SPATA17: variants seen among roughly 807,000 people sequenced by gnomAD.
SPATA17 encodes the protein spermatogenesis-associated protein 17.
Under a neutral mutation model 62.2 loss-of-function variants are expected in SPATA17, and 53 were observed. The ratio of observed to expected loss-of-function variants is 0.85; its 90% CI spans 0.68 to 1.07. SPATA17 has a LOEUF of 1.07. Among genes scored for constraint, SPATA17 ranks in the 50% least tolerant of loss-of-function variants. SPATA17 has a pLI of 0.00. For synonymous variants in SPATA17, 146 were observed against 146.8 expected (o/e 0.99, Z 0.04); for missense variants, 466 against 425.5 (o/e 1.10, Z -0.84).
chr1:217,673,590 C>T (rs1002376470), intron 4 of SPATA17, among the ~76,000 whole-genome samples: 5 of 152,082 alleles, frequency 3.3e-5, no homozygotes, highest in Admixed American at 1.3e-4. Flanking sequence ...CTTATGCAAA[C>T]GCCATGAGCT....
chr1:217,744,930 G>A (rs1672712881), intron 6 of SPATA17, among the ~76,000 whole-genome samples: 2 of 152,156 alleles, frequency 1.3e-5, no homozygotes, highest in Non-Finnish European at 2.9e-5. Flanking sequence ...CCCTTCGAGG[G>A]CATTCAGTAA....
intron 4 of SPATA17, among the ~76,000 whole-genome samples, chr1:217,675,444 C>T (rs17724806): frequency 0.05 from 7,680 of 152,212 alleles, 259 homozygotes; most frequent in Middle Eastern, 0.12. Flanking sequence ...ATACTTTTGA[C>T]ACCAATTTCT....
intron 9 of SPATA17, among the ~76,000 whole-genome samples, chr1:217,822,848 G>A (rs1409265192): frequency 1.3e-5 from 2 of 151,184 alleles, no homozygotes; most frequent in African/African-American, 4.8e-5. Context: ...CTGCTCAACT[G>A]ATAGTTGCTT....
At chr1:217,640,141 A>C (rs955317508) in intron 1 of SPATA17, among the ~76,000 whole-genome samples, 1 of 151,472 alleles carries the variant, frequency 6.6e-6, no homozygotes, top group Non-Finnish European at 1.5e-5. Context: ...AGTTGTGTTT[A>C]TGTGCATGTA....
chr1:217,849,693 C>G (rs376805387), intron 9 of SPATA17, among the ~76,000 whole-genome samples: 1 of 152,070 alleles, frequency 6.6e-6, no homozygotes, highest in Non-Finnish European at 1.5e-5. Context: ...GCCTGCTGTT[C>G]ACCCATCCAC....
rs1676063576 is a variant in SPATA17, at chr1:217,868,526, A to T, written c.*1507A>T. The T allele has an allele frequency of 6.6e-6, 1 of 152,116 alleles. No homozygotes were observed. The allele number at this position is 152,116 out of a possible 1,614,324, so 9.4% of individuals were successfully genotyped here. On this transcript the variant is annotated 3_prime_UTR_variant, in exon 11 of 11. Transcript: ENST00000366933. ...TAGTTGGGCAAAATCATCTAACACA[A>T]AGCCTATTTTATAATATTGAACAGC...
chr1:217,822,749 G>A (rs955556537), intron 9 of SPATA17, among the ~76,000 whole-genome samples: 2 of 148,676 alleles, frequency 1.3e-5, no homozygotes, highest in African/African-American at 4.9e-5. Flanking sequence ...TCAGTTGTTT[G>A]TACTATGTTT....
intron 9 of SPATA17, among the ~76,000 whole-genome samples, chr1:217,816,851 A>G (rs892099651): frequency 6.6e-6 from 1 of 151,886 alleles, no homozygotes; most frequent in African/African-American, 2.4e-5. Flanking sequence ...CCTGGCATAA[A>G]CTCTCTCTAG....
intron 9 of SPATA17, among the ~76,000 whole-genome samples, chr1:217,862,484 C>G (rs1025179552): frequency 2.0e-5 from 3 of 152,072 alleles, no homozygotes; most frequent in African/African-American, 4.8e-5. Context: ...ATTTAGATTG[C>G]GACTCATTGA....
chr1:217,812,170 A>C (rs1381833766), intron 9 of SPATA17, among the ~76,000 whole-genome samples: 1 of 152,198 alleles, frequency 6.6e-6, no homozygotes, highest in Non-Finnish European at 1.5e-5. Context: ...TATTATTTTT[A>C]AACATAGAAG....
chr1:217,828,493 A>G (rs1200978654), intron 9 of SPATA17, among the ~76,000 whole-genome samples: 1 of 146,936 alleles, frequency 6.8e-6, no homozygotes, highest in African/African-American at 2.4e-5. Context: ...ATATAGGTAG[A>G]ACTTCTTTGA....
chr1:217,804,417 G>T (rs1458133585), intron 9 of SPATA17, among the ~76,000 whole-genome samples: 1 of 152,110 alleles, frequency 6.6e-6, no homozygotes, highest in African/African-American at 2.4e-5. Context: ...ACTAGATTAA[G>T]ACCTGAAACT....
At chr1:217,685,639 G>T (rs1156533083) in intron 5 of SPATA17, among the ~76,000 whole-genome samples, 1 of 152,012 alleles carries the variant, frequency 6.6e-6, no homozygotes, top group Non-Finnish European at 1.5e-5. Flanking sequence ...TCTATTAATA[G>T]ATGTACTAAT....
At chr1:217,791,814 T>A (rs950161765) in intron 8 of SPATA17, among the ~76,000 whole-genome samples, 1 of 152,172 alleles carries the variant, frequency 6.6e-6, no homozygotes, top group Non-Finnish European at 1.5e-5. Context: ...GCTATGGAGA[T>A]GTTTTAGAAA....
At chr1:217,699,556 T>C (rs781246983) in intron 5 of SPATA17, among the ~76,000 whole-genome samples, 3 of 152,180 alleles carry the variant, frequency 2.0e-5, no homozygotes, top group Non-Finnish European at 4.4e-5. Flanking sequence ...TTAGATTATA[T>C]TTTTATGGTT....
At chr1:217,720,860 A>G (rs1416839184) in intron 5 of SPATA17, among the ~76,000 whole-genome samples, 1 of 152,190 alleles carries the variant, frequency 6.6e-6, no homozygotes, top group Non-Finnish European at 1.5e-5. Flanking sequence ...TTCACACTCC[A>G]GCGGAGAGGA....
chr1:217,835,756 T>A (rs1378471036), intron 9 of SPATA17, among the ~76,000 whole-genome samples: 1 of 152,160 alleles, frequency 6.6e-6, no homozygotes, highest in African/African-American at 2.4e-5. Flanking sequence ...TAGGCATAAA[T>A]GATTGCCAAC....
At chr1:217,854,303 G>T (rs1057236654) in intron 9 of SPATA17, among the ~76,000 whole-genome samples, 7 of 152,082 alleles carry the variant, frequency 4.6e-5, no homozygotes, top group African/African-American at 9.7e-5. Flanking sequence ...TGATTTTGAG[G>T]TTACAAATAA....
At chr1:217,809,793 C>A (rs1278178694) in intron 9 of SPATA17, among the ~76,000 whole-genome samples, 1 of 152,218 alleles carries the variant, frequency 6.6e-6, no homozygotes, top group Non-Finnish European at 1.5e-5. Flanking sequence ...CAAGCCATAA[C>A]AATGTCATTT....
Sources: allele counts gnomAD v4.1 joint callset (sites outside exome capture counted in the v4.1 genomes callset), GRCh38; gene constraint gnomAD v4.1.1; transcripts MANE v1.5; gene names NCBI Gene and HGNC (gene_info 2026-07-23, HGNC 2026-07-21).